The following SPAG17 variants were observed in gnomAD, a reference collection of about 807,000 sequenced individuals.
SPAG17 encodes the protein sperm associated antigen 17, also known as sperm-associated antigen 17.
SPAG17 carries 169 observed loss-of-function variants against 273.6 expected under a neutral mutation model. That is an observed-to-expected ratio of 0.62 (90% confidence interval 0.55 to 0.70). SPAG17 has a LOEUF of 0.70. SPAG17 is among the 30% of genes least tolerant of loss of function. The pLI is 0.00. For synonymous variants in SPAG17, 825 were observed against 873.2 expected (o/e 0.94, Z 0.97); for missense variants, 2,557 against 2,627.8 (o/e 0.97, Z 0.59).
chr1:118,027,952 A>G (rs1450379216), intron 26 of SPAG17, among the ~76,000 whole-genome samples: 1 of 152,212 alleles, frequency 6.6e-6, no homozygotes, highest in Admixed American at 6.5e-5. Flanking sequence ...TGGCTTTGTC[A>G]TCACTGGGCT....
At chr1:118,113,382 G>A (rs1270426414) in intron 4 of SPAG17, among the ~76,000 whole-genome samples, 1 of 152,058 alleles carries the variant, frequency 6.6e-6, no homozygotes, top group Non-Finnish European at 1.5e-5. Flanking sequence ...CTCCTTGGCT[G>A]ACAAGCATTA....
chr1:117,991,727 C>A, intron 36 of SPAG17, among the ~76,000 whole-genome samples, 199 bp from the exon 37 acceptor site: 1 of 152,256 alleles, frequency 6.6e-6, no homozygotes, highest in Non-Finnish European at 1.5e-5. Context: ...AGTGCAAAAG[C>A]AAAGCTTTAA....
chr1:118,085,816 T>A, intron 13 of SPAG17, 106 bp downstream of exon 13: 1 of 1,128,874 alleles, frequency 8.9e-7, no homozygotes, highest in Non-Finnish European at 1.2e-6. Flanking sequence ...CTCTGAAAGG[T>A]CTTTCAATAA....
intron 3 of SPAG17, among the ~76,000 whole-genome samples, chr1:118,133,186 C>T (rs1232280222): frequency 6.6e-6 from 1 of 152,010 alleles, no homozygotes; most frequent in East Asian, 1.9e-4. Flanking sequence ...AGAACAGTGG[C>T]CAGCACAAGT....
chr1:118,027,241 AGGGAACAG>A (rs1342425117), intron 26 of SPAG17, among the ~76,000 whole-genome samples: 9 of 152,326 alleles, frequency 5.9e-5, no homozygotes, highest in African/African-American at 1.2e-4. Context: ...ATGCTTGGGA[AGGGAACAG>A]GGTCCATGGG....
intron 1 of SPAG17, among the ~76,000 whole-genome samples, chr1:118,154,334 CA>C (rs1457619485): frequency 1.3e-5 from 2 of 152,104 alleles, no homozygotes; most frequent in African/African-American, 4.8e-5. Context: ...AGAACCTGAG[CA>C]AACATGACAG....
intron 15 of SPAG17, among the ~76,000 whole-genome samples, chr1:118,080,076 AT>A (rs1277064703): frequency 6.6e-6 from 1 of 151,570 alleles, no homozygotes; most frequent in Non-Finnish European, 1.5e-5. Context: ...TAATTTTTTT[AT>A]TTTTCTTTAT....
chr1:118,065,370 A>G (rs1316972673), intron 18 of SPAG17, among the ~76,000 whole-genome samples: 2 of 152,176 alleles, frequency 1.3e-5, no homozygotes, highest in Non-Finnish European at 2.9e-5. Flanking sequence ...CCAAATGCCA[A>G]AGGAACATAT....
At chr1:118,030,971 T>C (rs1648390473) in intron 25 of SPAG17, among the ~76,000 whole-genome samples, 1 of 152,190 alleles carries the variant, frequency 6.6e-6, no homozygotes, top group Admixed American at 6.6e-5. Context: ...ATGAGATTGC[T>C]GGGTCAAATG....
intron 20 of SPAG17, among the ~76,000 whole-genome samples, chr1:118,043,920 AACATTCAT>A (rs1011300374): frequency 3.3e-4 from 51 of 152,330 alleles, no homozygotes; most frequent in African/African-American, 1.2e-3. Flanking sequence ...TAAAAATATC[AACATTCAT>A]ATTAGAACTA....
chr1:117,968,372 G>A (rs1468586825), intron 46 of SPAG17, among the ~76,000 whole-genome samples: 1 of 152,140 alleles, frequency 6.6e-6, no homozygotes, highest in Non-Finnish European at 1.5e-5. Context: ...ATTAAAATGA[G>A]ATTTGCTAAC....
chr1:118,125,245 A>ATATATATATTTTT (rs146004766), intron 3 of SPAG17, among the ~76,000 whole-genome samples: 2 of 150,750 alleles, frequency 1.3e-5, no homozygotes, highest in Non-Finnish European at 2.9e-5. Flanking sequence ...ATATATATAT[A>ATATATATATTTTT]TTTTTGACAT....
Position 118,185,182 on chromosome 1 carries a change from C to T in SPAG17, c.-25G>A. The stretch of plus-strand genomic sequence containing the variant: ...TGCAAAGGACGGGAGAAGCATTGGC[C>T]TCTAAACTGGGCGCAGGCCCTGCCT... On this transcript the variant is annotated 5_prime_UTR_variant, in exon 1 of 49. Transcript: ENST00000336338. 2 of 1,589,612 alleles carry T rather than the reference C, an allele frequency of 1.3e-6. No homozygotes were observed. The highest frequency in any genetic ancestry group is 1.7e-6 in the Non-Finnish European group (2 of 1,157,668).
At chr1:117,961,892 G>A (rs1162689481) in intron 48 of SPAG17, 2 of 152,200 alleles carry the variant, frequency 1.3e-5, no homozygotes, top group Non-Finnish European at 2.9e-5. Context: ...TGCCACCAGG[G>A]AGAGGAGTTA....
intron 1 of SPAG17, among the ~76,000 whole-genome samples, chr1:118,159,070 G>C (rs1349530152): frequency 6.6e-6 from 1 of 152,230 alleles, no homozygotes; most frequent in African/African-American, 2.4e-5. Context: ...TAGCATGGGA[G>C]GGCTGACTGA....
At chr1:118,113,905 A>G (rs1656916133) in intron 4 of SPAG17, among the ~76,000 whole-genome samples, 4 of 152,160 alleles carry the variant, frequency 2.6e-5, no homozygotes, top group Admixed American at 2.0e-4. Flanking sequence ...TTTACTTAAA[A>G]TTTGTTAAAG....
intron 20 of SPAG17, among the ~76,000 whole-genome samples, chr1:118,049,188 T>C (rs1316260522): frequency 2.6e-5 from 4 of 152,088 alleles, no homozygotes; most frequent in East Asian, 3.8e-4. Flanking sequence ...ATGAAAAAAA[T>C]TGAAGGGAAG....
At chr1:118,120,876 TAC>T (rs1657384349) in intron 3 of SPAG17, among the ~76,000 whole-genome samples, 1 of 152,258 alleles carries the variant, frequency 6.6e-6, no homozygotes, top group South Asian at 2.1e-4. Flanking sequence ...AGTTTATTTA[TAC>T]CAGTGGTTTA....
intron 40 of SPAG17, among the ~76,000 whole-genome samples, chr1:117,985,893 C>T (rs1348239979): frequency 1.3e-5 from 2 of 152,156 alleles, no homozygotes; most frequent in Non-Finnish European, 2.9e-5. Flanking sequence ...ACCCAGGTTG[C>T]TTGCCTCCAA....
Sources: gnomAD v4.1 joint callset for allele counts (sites outside exome capture counted in the v4.1 genomes callset) on GRCh38, gnomAD v4.1.1 for gene constraint, MANE v1.5 for transcripts, NCBI Gene and HGNC (gene_info 2026-07-23, HGNC 2026-07-21) for gene names.